The following TGIF1 variants were observed in gnomAD, a reference collection of about 807,000 sequenced individuals.
TGIF1 encodes homeobox protein TGIF1.
TGIF1 carries 4 observed loss-of-function variants against 19.3 expected under a neutral mutation model. The ratio of observed to expected loss-of-function variants is 0.21; its 90% CI spans 0.10 to 0.47. TGIF1 has a LOEUF of 0.47. Ranked by LOEUF, TGIF1 falls within the 20% of genes least tolerant of loss-of-function variation. The pLI is 0.98. For missense variants in TGIF1, 275 were observed against 341.4 expected, an observed-to-expected ratio of 0.81 and a Z score of 1.53; for synonymous variants, 122 against 129.3, an observed-to-expected ratio of 0.94 and a Z score of 0.38.
chr18:3,450,827 C>T (rs866354963), intron 1 of TGIF1, among the ~76,000 whole-genome samples: 1 of 152,298 alleles, frequency 6.6e-6, no homozygotes, highest in Middle Eastern at 3.4e-3. Context: ...CGCCGCGTGG[C>T]TTCTCGCTCT....
intron 2 of TGIF1, among the ~76,000 whole-genome samples, chr18:3,441,348 GCCTTCCCCA>G (rs1279087761): frequency 6.6e-6 from 1 of 152,102 alleles, no homozygotes; most frequent in Non-Finnish European, 1.5e-5. Context: ...GGTTAGAAAG[GCCTTCCCCA>G]CTCCAAGATC....
At chr18:3,450,565 G>A in intron 1 of TGIF1, 60 bp downstream of exon 1, 1 of 1,549,980 alleles carries the variant, frequency 6.5e-7, no homozygotes, top group Non-Finnish European at 8.7e-7. Context: ...CGTGCTGGCC[G>A]GGCCGCGCCG....
chr18:3,448,481 G>A (rs2082791966), upstream of TGIF1: 12 of 989,808 alleles, frequency 1.2e-5, no homozygotes, highest in Non-Finnish European at 1.4e-5. Context: ...GGCAGTTGCA[G>A]GGCAGCGTCC....
chr18:3,432,303 G>A (rs926089712), intron 2 of TGIF1, among the ~76,000 whole-genome samples: 2 of 152,106 alleles, frequency 1.3e-5, no homozygotes, highest in South Asian at 2.1e-4. Context: ...GGTCCTGAAC[G>A]ACAAATACAG....
chr18:3,424,214 GTAA>G (rs1317994941), intron 2 of TGIF1, among the ~76,000 whole-genome samples: 6 of 151,910 alleles, frequency 3.9e-5, no homozygotes, highest in Admixed American at 2.0e-4. Flanking sequence ...GTAATCATCA[GTAA>G]TAATATCAGC....
chr18:3,452,612 G>T (rs2083011055), intron 1 of TGIF1, among the ~76,000 whole-genome samples: 1 of 152,038 alleles, frequency 6.6e-6, no homozygotes, highest in Non-Finnish European at 1.5e-5. Flanking sequence ...TGTTTCACTT[G>T]AGGCCGAGGA....
At chr18:3,433,165 C>T (rs1193161722) in intron 2 of TGIF1, among the ~76,000 whole-genome samples, 1 of 151,976 alleles carries the variant, frequency 6.6e-6, no homozygotes, top group African/African-American at 2.4e-5. Flanking sequence ...CCTCCACCTT[C>T]TGGGCTCAAG....
chr18:3,414,492 A>T (rs2082306446), intron 1 of TGIF1, among the ~76,000 whole-genome samples: 1 of 152,184 alleles, frequency 6.6e-6, no homozygotes, highest in Admixed American at 6.5e-5. Flanking sequence ...CTCTAAGTCT[A>T]GCCCCAGTTG....
chr18:3,443,380 T>G (rs2082698393), intron 2 of TGIF1, among the ~76,000 whole-genome samples: 1 of 152,158 alleles, frequency 6.6e-6, no homozygotes, highest in African/African-American at 2.4e-5. Flanking sequence ...AGACTACAAC[T>G]TCTTCATCTG....
upstream of TGIF1, chr18:3,449,799 G>A: frequency 1.0e-6 from 1 of 985,678 alleles, no homozygotes; most frequent in Non-Finnish European, 1.2e-6. Context: ...CCCGGGGGTG[G>A]AGGAGGGAAG....
chr18:3,446,087 G>A (rs146444130), upstream of TGIF1, among the ~76,000 whole-genome samples: 37 of 152,312 alleles, frequency 2.4e-4, no homozygotes, highest in African/African-American at 8.4e-4. Context: ...CATTAAGTGA[G>A]ATTAAATAAG....
Position 3,451,355 on chromosome 18 carries a change from G to C in TGIF1, c.16+850G>C. ...AACAAAATACACCGGAGGGGGACGG[G>C]GGGTGGAGAAACCACACAAAACACC... On this transcript the variant is annotated intron_variant, in intron 1 of 2. Transcript: ENST00000343820. The surrounding 1 kb of genome is among the most constrained non-coding windows in gnomAD (Gnocchi z 5.4). The C allele has an allele frequency of 2.0e-6, 2 of 985,040 alleles. No individual in the cohort carries two copies. Among genetic ancestry groups the C allele is most frequent in the Non-Finnish European group, 2.4e-6 (2 of 829,898 alleles). 61.0% of individuals were successfully genotyped at this position (985,040 alleles called of 1,614,324 possible). A position where few individuals can be genotyped will look rare whatever the true frequency, so the allele number is the denominator to read the frequency against.
At chr18:3,448,611 TAGAG>T (rs920382784), upstream of TGIF1, 68 of 985,318 alleles carry the variant, frequency 6.9e-5, no homozygotes, top group Non-Finnish European at 7.8e-5. Flanking sequence ...GCTGCCTTCT[TAGAG>T]AGACGCTTTT....
At position 3,426,499 on chromosome 18, in the gene TGIF1, T is replaced by C. The variant is rs572635541; in HGVS notation, c.-45+8284T>C. ...AGGGTCCACTTATTCAGTCAACCCA[T>C]AGACTGATAATGGAGAATGTTCTCA... On this transcript the variant is annotated intron_variant, in intron 2 of 3. Coordinates refer to the TGIF1 transcript ENST00000401449. 1.1e-4 allele frequency among the ~76,000 whole-genome samples: 16 copies of C among 152,238 alleles called. No individual in the cohort carries two copies. In the South Asian group the frequency reaches 1.9e-3, roughly 18 times the overall value.
chr18:3,433,088 G>T (rs1414559674), intron 2 of TGIF1, among the ~76,000 whole-genome samples: 23 of 142,972 alleles, frequency 1.6e-4, no homozygotes, highest in Non-Finnish European at 1.5e-4. Flanking sequence ...TTTTTTTTGA[G>T]ACTGATTCTG....
chr18:3,456,672 C>A lies in TGIF1; in HGVS notation c.243+92C>A. ...GTGTGTCAAGTCATTAAGCTCCTTGCCACTCAAAGACAGAAGGAATATCTT... is the reference window on the plus strand; with the variant it reads ...GTGTGTCAAGTCATTAAGCTCCTTGACACTCAAAGACAGAAGGAATATCTT... On this transcript the variant is annotated intron_variant, in intron 2 of 2. Coordinates refer to ENST00000343820, the MANE Select transcript of TGIF1 (RefSeq NM_003244.4). This position sits in a 1 kb window ranked among gnomAD's most constrained non-coding sequence, Gnocchi z 4.2. 2.7e-6 allele frequency: 3 copies of A among 1,124,896 alleles called. No individual in the cohort carries two copies. Among genetic ancestry groups the A allele is most frequent in the Non-Finnish European group, 4.0e-6 (3 of 748,986 alleles). 69.7% of individuals were successfully genotyped at this position (1,124,896 alleles called of 1,614,324 possible).
chr18:3,453,925 G>A, intron 1 of TGIF1: 1 of 775,648 alleles, frequency 1.3e-6, no homozygotes, highest in Non-Finnish European at 1.6e-6. Context: ...GTTACAATAG[G>A]AAATGAGTAA....
intron 2 of TGIF1, among the ~76,000 whole-genome samples, chr18:3,442,279 G>T: frequency 1.1e-5 from 1 of 91,504 alleles, no homozygotes; most frequent in Non-Finnish European, 2.6e-5. Flanking sequence ...AGAGCTTTGG[G>T]AAGAAGTAAC....
intron 2 of TGIF1, among the ~76,000 whole-genome samples, chr18:3,436,021 C>T (rs2082610399): frequency 6.6e-6 from 1 of 152,152 alleles, no homozygotes; most frequent in South Asian, 2.1e-4. Context: ...AGCCAGTGCA[C>T]CTGGCCTTCC....
Sources: allele counts gnomAD v4.1 joint callset (sites outside exome capture counted in the v4.1 genomes callset), GRCh38; gene constraint gnomAD v4.1.1; non-coding constraint Gnocchi (gnomAD v3.1); transcripts MANE v1.5; gene names NCBI Gene and HGNC (gene_info 2026-07-23, HGNC 2026-07-21).